Variants in MUC7 observed in about 807,000 individuals in gnomAD.
MUC7 encodes mucin-7.
Under a neutral mutation model 2.5 loss-of-function variants are expected in MUC7, and 2 were observed. That is an observed-to-expected ratio of 0.81 (90% CI 0.33 to 2.55). The LOEUF (loss-of-function observed/expected upper bound fraction) is 2.55. Ranked by LOEUF, MUC7 falls within the 30% of genes most tolerant of loss-of-function variation. MUC7 has a pLI of 0.11. For missense variants in MUC7, 408 were observed against 455.6 expected, an observed-to-expected ratio of 0.90 and a Z score of 0.95; for synonymous variants, 133 against 173.4, an observed-to-expected ratio of 0.77 and a Z score of 1.83.
chr4:70,437,729 C>T (rs898706637), intron 1 of MUC7, among the ~76,000 whole-genome samples: 2 of 152,138 alleles, frequency 1.3e-5, no homozygotes, highest in African/African-American at 4.8e-5. Context: ...GTAGGCTGTA[C>T]CCACTGTCCA....
Position 70,458,855 on chromosome 4 carries a change from G to A in MUC7, c.-92-13360G>A, listed in dbSNP as rs1449764986. Among the ~76,000 whole-genome samples, 3 of 151,888 alleles carry A rather than the reference G, an allele frequency of 2.0e-5. No individual in the cohort carries two copies. The East Asian group carries it at 5.8e-4, about 29-fold the overall frequency. Reference sequence around the variant, plus strand: ...TTATTAACAGAAAAAAAGAAAAATTGTTCAGAAAAATATCACATAAAGAAA... The same window carrying A: ...TTATTAACAGAAAAAAAGAAAAATTATTCAGAAAAATATCACATAAAGAAA... On this transcript the variant is annotated intron_variant, in intron 1 of 3. Coordinates refer to the MUC7 transcript ENST00000413702.
intron 1 of MUC7, among the ~76,000 whole-genome samples, chr4:70,438,180 T>C (rs540728639): frequency 6.6e-6 from 1 of 152,322 alleles, no homozygotes; most frequent in East Asian, 1.9e-4. Context: ...ACTTCATTTC[T>C]GTCCAGGTGC....
At chr4:70,461,713 C>T (rs1053101321) in intron 1 of MUC7, among the ~76,000 whole-genome samples, 1 of 151,744 alleles carries the variant, frequency 6.6e-6, no homozygotes, top group African/African-American at 2.4e-5. Context: ...GGGAAAGACA[C>T]AGAGCTCTCC....
In MUC7 at chr4:70,434,769, T is replaced by G. The variant is rs144384409; in HGVS notation, c.-93+4082T>G. Among the ~76,000 whole-genome samples, 1,503 of 152,346 alleles carry G rather than the reference T, an allele frequency of 9.9e-3. 22 individuals are homozygous for G. Among genetic ancestry groups the G allele is most frequent in the Middle Eastern group, 0.051 (15 of 294 alleles). On this transcript the variant is annotated intron_variant, in intron 1 of 3. Coordinates refer to the MUC7 transcript ENST00000413702. ...GCGAGCTTTTGAAAGTGTTTGCTCT[T>G]GCTTCTCTAGTTCTTTTAATTGTGA...
intron 1 of MUC7, among the ~76,000 whole-genome samples, chr4:70,455,633 T>C (rs2109719950): frequency 6.6e-6 from 1 of 152,298 alleles, no homozygotes; most frequent in East Asian, 1.9e-4. Context: ...AGAAAGATAG[T>C]ATTTATAATA....
At chr4:70,453,670 C>T (rs1228903059) in intron 1 of MUC7, among the ~76,000 whole-genome samples, 2 of 152,258 alleles carry the variant, frequency 1.3e-5, no homozygotes, top group East Asian at 3.9e-4. Flanking sequence ...TTTACTTTTC[C>T]CTCTGCTTTT....
intron 1 of MUC7, among the ~76,000 whole-genome samples, chr4:70,434,117 G>C (rs550791460): frequency 6.6e-6 from 1 of 152,052 alleles, no homozygotes; most frequent in South Asian, 2.1e-4. Context: ...GCTGGATTAA[G>C]TTTGCCAGTA....
At chr4:70,453,450 A>G (rs897256695) in intron 1 of MUC7, among the ~76,000 whole-genome samples, 1 of 152,122 alleles carries the variant, frequency 6.6e-6, no homozygotes, top group African/African-American at 2.4e-5. Flanking sequence ...ACTACTGCTG[A>G]TGTTCCCTCA....
At chr4:70,450,974 G>GC (rs1266201949) in intron 1 of MUC7, among the ~76,000 whole-genome samples, 4 of 126,402 alleles carry the variant, frequency 3.2e-5, no homozygotes, top group East Asian at 2.4e-4. Context: ...TATGTTGCAT[G>GC]CCCCCCCAGT....
At chr4:70,480,646 TG>T (rs1735136189) in intron 2 of MUC7, among the ~76,000 whole-genome samples, 152 bp from the exon 3 acceptor site, 1 of 152,182 alleles carries the variant, frequency 6.6e-6, no homozygotes, top group African/African-American at 2.4e-5. Context: ...TGAAACTTGG[TG>T]AAATTAGGAA....
chr4:70,439,416 C>T (rs760933111), intron 1 of MUC7, among the ~76,000 whole-genome samples: 3 of 151,960 alleles, frequency 2.0e-5, no homozygotes, highest in South Asian at 2.1e-4. Flanking sequence ...ATTTGGTGCC[C>T]GACTTTTGTT....
At chr4:70,476,930 T>A (rs1177998296) in intron 2 of MUC7, among the ~76,000 whole-genome samples, 1 of 152,226 alleles carries the variant, frequency 6.6e-6, no homozygotes, top group Non-Finnish European at 1.5e-5. Flanking sequence ...GCTTCTCTCT[T>A]CCAGATGTCC....
In MUC7 at chr4:70,480,802, A is replaced by C. The variant is rs1735141097; in HGVS notation, c.58A>C (p.Ser20Arg). Residue 20 changes from serine (S) to arginine (R), a missense_variant, in exon 3 of 3, where the codon AGT (serine) becomes CGT (arginine). Physicochemically the swap from Ser to Arg is moderately radical, Grantham distance 110. This residue lies in a region of MUC7 where 225 missense variants were observed against 240.5 expected (regional missense o/e 0.94). Coordinates refer to ENST00000304887, the MANE Select transcript of MUC7 (RefSeq NM_152291.3). ...ICALSACFSF[S>R]EGRERDHELR... ...ACATTTTCTTTCTTTTCTGCAGTTCAGTGAAGGTCGAGAAAGGGATCATGA... is the reference window on the plus strand; with the variant it reads ...ACATTTTCTTTCTTTTCTGCAGTTCCGTGAAGGTCGAGAAAGGGATCATGA... 1.9e-6 allele frequency: 3 copies of C among 1,612,238 alleles called. No homozygotes were observed. Among genetic ancestry groups the C allele is most frequent in the African/African-American group, 2.7e-5 (2 of 74,980 alleles).
chr4:70,471,404 T>C (rs1734830214), upstream of MUC7, among the ~76,000 whole-genome samples: 1 of 152,162 alleles, frequency 6.6e-6, no homozygotes, highest in Admixed American at 6.5e-5. Context: ...TTTGCCAAAA[T>C]TTGAGTATAA....
At chr4:70,449,638 T>C (rs147807180) in intron 1 of MUC7, among the ~76,000 whole-genome samples, 1 of 152,134 alleles carries the variant, frequency 6.6e-6, no homozygotes, top group Non-Finnish European at 1.5e-5. Flanking sequence ...GGTATTGTGG[T>C]CTAAGGTGCA....
chr4:70,447,458 T>G (rs1037971541), intron 1 of MUC7, among the ~76,000 whole-genome samples: 2 of 152,182 alleles, frequency 1.3e-5, no homozygotes, highest in African/African-American at 4.8e-5. Flanking sequence ...TTTTATTCCT[T>G]CCAATCCAAA....
chr4:70,459,001 T>A (rs915870579), intron 1 of MUC7, among the ~76,000 whole-genome samples: 3 of 152,160 alleles, frequency 2.0e-5, no homozygotes, highest in Non-Finnish European at 2.9e-5. Context: ...CATAAAACTA[T>A]ATGTACTTAA....
Position 70,481,385 on chromosome 4 carries a change from C to A in MUC7, c.641C>A (p.Ala214Asp), listed in dbSNP as rs778504631. Reference protein sequence around the residue: ...SSSAPPETTAAPPTPPATTPA... With the variant: ...SSSAPPETTADPPTPPATTPA... ...TCAGCTCCACCAGAGACCACAGCTGCCCCACCCACACCTCCTGCAACTACA... is the reference window on the plus strand; with the variant it reads ...TCAGCTCCACCAGAGACCACAGCTGACCCACCCACACCTCCTGCAACTACA... The change falls in exon 3 of 3, where the codon GCC becomes GAC. Residue 214 changes from alanine (A) to aspartate (D), a missense_variant. Coordinates refer to ENST00000304887, the MANE Select transcript of MUC7 (RefSeq NM_152291.3). 6.2e-7 allele frequency: 1 copy of A among 1,612,648 alleles called. No individual in the cohort carries two copies. Among genetic ancestry groups the A allele is most frequent in the African/African-American group, 1.3e-5 (1 of 74,456 alleles).
intron 1 of MUC7, among the ~76,000 whole-genome samples, chr4:70,461,464 A>G (rs1254450931): frequency 2.0e-5 from 3 of 152,186 alleles, no homozygotes; most frequent in Admixed American, 6.5e-5. Flanking sequence ...TTAAGGAATA[A>G]TATCTTTTGG....
Sources: gnomAD v4.1 joint callset for allele counts (sites outside exome capture counted in the v4.1 genomes callset) on GRCh38, gnomAD v4.1.1 for gene constraint, gnomAD v4.1.1 regional missense constraint, MANE v1.5 for transcripts, NCBI Gene and HGNC (gene_info 2026-07-23, HGNC 2026-07-21) for gene names.